The following OCA2 variants were observed in gnomAD, a reference collection of about 807,000 sequenced individuals.
OCA2 encodes the protein P protein.
Under a neutral mutation model 100.2 loss-of-function variants are expected in OCA2, and 77 were observed. The ratio of observed to expected loss-of-function variants is 0.77; its 90% CI spans 0.64 to 0.93. The LOEUF (loss-of-function observed/expected upper bound fraction) is 0.93, where lower values mean the gene tolerates loss of function less well. OCA2 is among the 40% of genes least tolerant of loss of function. The pLI, the probability that OCA2 is intolerant of heterozygous loss-of-function variation, is 0.00. For synonymous variants in OCA2, 432 were observed against 439.2 expected (o/e 0.98, Z 0.21); for missense variants, 1,062 against 1,089.1 (o/e 0.98, Z 0.35).
At chr15:27,968,655 C>A (rs770464484) in intron 14 of OCA2, among the ~76,000 whole-genome samples, 4 of 152,186 alleles carry the variant, frequency 2.6e-5, no homozygotes, top group Non-Finnish European at 5.9e-5. Flanking sequence ...AAGTTTAGAG[C>A]TTGCCAATAT....
At chr15:28,038,962 TTGAAAG>T (rs1287755397) in intron 2 of OCA2, among the ~76,000 whole-genome samples, 4 of 152,034 alleles carry the variant, frequency 2.6e-5, no homozygotes, top group Non-Finnish European at 4.4e-5. Context: ...CATAAATAGG[TTGAAAG>T]TGAAAGGATG....
At chr15:27,797,057 C>T (rs560994437) in intron 23 of OCA2, among the ~76,000 whole-genome samples, 5 of 152,314 alleles carry the variant, frequency 3.3e-5, no homozygotes, top group African/African-American at 1.2e-4. Flanking sequence ...AGAACACAGC[C>T]TCACTGGGGT....
At chr15:27,748,887 A>G in the OCA2 span, among the ~76,000 whole-genome samples, 1 of 152,236 alleles carries the variant, frequency 6.6e-6, no homozygotes, top group South Asian at 2.1e-4. Context: ...TGGAGACGAC[A>G]GAGTATAGAA....
At chr15:27,970,738 C>T (rs1393449441) in intron 14 of OCA2, among the ~76,000 whole-genome samples, 1 of 151,008 alleles carries the variant, frequency 6.6e-6, no homozygotes, top group East Asian at 2.0e-4. Flanking sequence ...TCCCAGCACA[C>T]ACAGAATGTT....
intron 21 of OCA2, among the ~76,000 whole-genome samples, chr15:27,870,714 AGGAAGGAAAGAAGGAAGGAAGGG>A: frequency 6.2e-5 from 7 of 113,440 alleles, no homozygotes; most frequent in African/African-American, 2.3e-4. Context: ...GAAGGAAGGA[AGGAAGGAAAGAAGGAAGGAAGGG>A]AGGGAGGGAG....
intron 9 of OCA2, among the ~76,000 whole-genome samples, chr15:28,009,995 G>A (rs1319139952): frequency 1.3e-5 from 2 of 151,832 alleles, no homozygotes; most frequent in Admixed American, 6.6e-5. Context: ...AGTAATAAAC[G>A]CTCACATTAG....
At chr15:27,981,247 A>G (rs1161950346) in intron 14 of OCA2, among the ~76,000 whole-genome samples, 2 of 152,206 alleles carry the variant, frequency 1.3e-5, no homozygotes, top group Non-Finnish European at 2.9e-5. Context: ...ACACCATTAT[A>G]ATAACACTTT....
intron 21 of OCA2, among the ~76,000 whole-genome samples, chr15:27,856,431 T>G (rs2035951037): frequency 6.6e-6 from 1 of 152,144 alleles, no homozygotes; most frequent in African/African-American, 2.4e-5. Context: ...TTAATAGTGG[T>G]TGTCACTCCC....
At chr15:27,907,517 T>C (rs990464743) in intron 19 of OCA2, among the ~76,000 whole-genome samples, 1 of 151,862 alleles carries the variant, frequency 6.6e-6, no homozygotes, top group Non-Finnish European at 1.5e-5. Flanking sequence ...AAAGCAGAAA[T>C]TAATGACATG....
chr15:28,031,572 A>T (rs1746006940), intron 3 of OCA2, among the ~76,000 whole-genome samples: 1 of 152,228 alleles, frequency 6.6e-6, no homozygotes, highest in Non-Finnish European at 1.5e-5. Flanking sequence ...TTTGCAGGAA[A>T]TTGAGTTTTC....
Position 27,966,596 on chromosome 15 carries a change from T to A in OCA2, c.1636+94A>T, listed in dbSNP as rs1009500161. 7.0e-6 allele frequency: 10 copies of A among 1,429,768 alleles called. No individual in the cohort carries two copies. In the African/African-American group the frequency reaches 1.3e-4, roughly 18 times the overall value. The allele number at this position is 1,429,768 out of a possible 1,614,324, so 88.6% of individuals were successfully genotyped here. A position where few individuals can be genotyped will look rare whatever the true frequency, so the allele number is the denominator to read the frequency against. ...CTGGTATTGAGCATCCAGCAACCCATCAACAGATACTTCCTAATAAGAACT... is the reference window on the plus strand; with the variant it reads ...CTGGTATTGAGCATCCAGCAACCCAACAACAGATACTTCCTAATAAGAACT... On this transcript the variant is annotated intron_variant, in intron 15 of 23. Coordinates refer to ENST00000354638, the MANE Select transcript of OCA2 (RefSeq NM_000275.3).
chr15:27,990,719 A>G (rs779164866), intron 9 of OCA2, 72 bp from the exon 10 acceptor site: 1 of 1,282,692 alleles, frequency 7.8e-7, no homozygotes, highest in Admixed American at 1.7e-5. Flanking sequence ...GCCTGTGTGG[A>G]CATGAGGGGG....
At chr15:28,000,555 A>G (rs977564762) in intron 9 of OCA2, among the ~76,000 whole-genome samples, 15 of 152,220 alleles carry the variant, frequency 9.9e-5, no homozygotes, top group African/African-American at 3.4e-4. Context: ...GGTCTTGACA[A>G]TGATTTTTTG....
At position 27,802,347 on chromosome 15, in the gene OCA2, A is replaced by G. The variant is rs78050080; in HGVS notation, c.2432+42612T>C. 5.9e-3 allele frequency among the ~76,000 whole-genome samples: 900 copies of G among 152,290 alleles called. 9 individuals are homozygous for G. Among genetic ancestry groups the G allele is most frequent in the Admixed American group, 0.027 (408 of 15,294 alleles). The stretch of plus-strand genomic sequence containing the variant: ...TACCTTGTTCATGGCAGGAAGACTT[A>G]CTAGTGTCAAGCAGCTAATTCTCCC... On this transcript the variant is annotated intron_variant, in intron 23 of 23. Transcript: ENST00000354638.
chr15:27,744,688 G>A, the OCA2 span, among the ~76,000 whole-genome samples: 1 of 152,154 alleles, frequency 6.6e-6, no homozygotes, highest in Admixed American at 6.5e-5. Flanking sequence ...CCTGCTGTTC[G>A]ACTTATGATT....
chr15:27,950,494 A>T (rs758205679), intron 18 of OCA2: 1 of 512,392 alleles, frequency 2.0e-6, no homozygotes, highest in Non-Finnish European at 3.9e-6. Context: ...TTACCTCATC[A>T]GGATTCCAAG....
intron 23 of OCA2, among the ~76,000 whole-genome samples, chr15:27,836,677 C>A (rs180962919): frequency 1.2e-4 from 19 of 152,302 alleles, no homozygotes; most frequent in African/African-American, 3.9e-4. Flanking sequence ...CCTGGCTACC[C>A]TTGAAGCAGC....
Position 27,951,895 on chromosome 15 carries a change from G to A in OCA2, c.1843-3C>T. 6.2e-7 allele frequency: 1 copy of A among 1,602,290 alleles called. No individual in the cohort carries two copies. Among genetic ancestry groups the A allele is most frequent in the Non-Finnish European group, 8.6e-7 (1 of 1,169,368 alleles). ...AGAATCCCGTCAGATATCCTATGCT[G>A]TAAGAGAGAAACCACAGCTCATTTA... On this transcript the variant is annotated splice_region_variant and splice_polypyrimidine_tract_variant and intron_variant, in intron 17 of 23. Coordinates refer to ENST00000354638, the MANE Select transcript of OCA2 (RefSeq NM_000275.3).
At chr15:27,750,972 T>G (rs1043515711), downstream of OCA2, among the ~76,000 whole-genome samples, 1 of 152,156 alleles carries the variant, frequency 6.6e-6, no homozygotes, top group African/African-American at 2.4e-5. Context: ...GGTCATTGAT[T>G]GAAGAGAGGT....
Sources: allele counts gnomAD v4.1 joint callset (sites outside exome capture counted in the v4.1 genomes callset), GRCh38; gene constraint gnomAD v4.1.1; transcripts MANE v1.5; gene names NCBI Gene and HGNC (gene_info 2026-07-23, HGNC 2026-07-21).